The following ANO10 variants were observed in gnomAD, a reference collection of about 807,000 sequenced individuals.
The protein encoded by ANO10 is anoctamin 10, also known as anoctamin-10.
ANO10 carries 77 observed loss-of-function variants against 74.7 expected under a neutral mutation model. That is an observed-to-expected ratio of 1.03 (90% CI 0.86 to 1.25). ANO10 has a LOEUF of 1.25. Ranked by LOEUF, ANO10 falls within the 50% of genes most tolerant of loss-of-function variation. The pLI, the probability that ANO10 is intolerant of heterozygous loss-of-function variation, is 0.00. For missense variants in ANO10, 721 were observed against 778.1 expected (o/e 0.93, Z 0.87); for synonymous variants, 279 against 284.9 (o/e 0.98, Z 0.21).
rs2076731058 is a variant in ANO10, at chr3:43,491,701, G to T, written c.1797+58019C>A. On this transcript the variant is annotated intron_variant, in intron 11 of 12. Transcript: ENST00000292246. ...GTCTCTCCTTCTGCCTTACCCCTTG[G>T]TCAAATCCTTCTGAAGAGGCAAGAA... 3.3e-5 allele frequency among the ~76,000 whole-genome samples: 5 copies of T among 151,776 alleles called. No homozygotes were observed. In the South Asian group the frequency reaches 1.0e-3, roughly 31 times the overall value.
chr3:43,680,503 A>G (rs1190731684), intron 1 of ANO10, among the ~76,000 whole-genome samples: 1 of 152,232 alleles, frequency 6.6e-6, no homozygotes, highest in Non-Finnish European at 1.5e-5. Flanking sequence ...GTTGGAAAAC[A>G]CTCGGCAGGA....
chr3:43,609,963 T>A (rs1392763989), intron 1 of ANO10, among the ~76,000 whole-genome samples: 1 of 152,204 alleles, frequency 6.6e-6, no homozygotes, highest in Non-Finnish European at 1.5e-5. Context: ...GTAGACTTTA[T>A]AAAACACTGT....
intron 4 of ANO10, among the ~76,000 whole-genome samples, chr3:43,588,769 T>C (rs926647920): frequency 6.6e-6 from 1 of 152,130 alleles, no homozygotes; most frequent in African/African-American, 2.4e-5. Flanking sequence ...AGATGAGGAA[T>C]AATATTTCAT....
intron 9 of ANO10, among the ~76,000 whole-genome samples, chr3:43,557,298 T>G (rs1409118907): frequency 6.6e-6 from 1 of 152,126 alleles, no homozygotes; most frequent in Admixed American, 6.5e-5. Context: ...TTCACTCAAA[T>G]CTTATGAGAA....
At chr3:43,483,114 G>A (rs929391050) in intron 11 of ANO10, among the ~76,000 whole-genome samples, 4 of 152,096 alleles carry the variant, frequency 2.6e-5, no homozygotes, top group African/African-American at 9.7e-5. Context: ...CTGTGCTCTG[G>A]GACATGGATG....
At chr3:43,448,831 T>C (rs2074703583) in intron 11 of ANO10, among the ~76,000 whole-genome samples, 1 of 152,010 alleles carries the variant, frequency 6.6e-6, no homozygotes, top group African/African-American at 2.4e-5. Context: ...AGCTATTGGA[T>C]TGTTTGTTTA....
At chr3:43,519,000 C>T (rs1056175851) in intron 11 of ANO10, among the ~76,000 whole-genome samples, 2 of 152,090 alleles carry the variant, frequency 1.3e-5, no homozygotes, top group African/African-American at 4.8e-5. Context: ...TTTTGAAATC[C>T]ATAATAAAAA....
At chr3:43,384,101 C>A (rs2092049121) in intron 12 of ANO10, among the ~76,000 whole-genome samples, 1 of 152,048 alleles carries the variant, frequency 6.6e-6, no homozygotes, top group African/African-American at 2.4e-5. Context: ...GTACACAAAT[C>A]AGTAGCCCTG....
intron 4 of ANO10, among the ~76,000 whole-genome samples, chr3:43,595,396 A>T (rs887544472): frequency 6.6e-6 from 1 of 152,232 alleles, no homozygotes; most frequent in African/African-American, 2.4e-5. Flanking sequence ...CCAGCAGCAC[A>T]TCAAAAAGCT....
At chr3:43,517,736 C>T (rs2077771643) in intron 11 of ANO10, among the ~76,000 whole-genome samples, 1 of 152,158 alleles carries the variant, frequency 6.6e-6, no homozygotes, top group Admixed American at 6.6e-5. Flanking sequence ...ATGCATACTA[C>T]GTGTGACCAA....
intron 9 of ANO10, among the ~76,000 whole-genome samples, chr3:43,559,687 T>C (rs749102590): frequency 6.6e-6 from 1 of 152,006 alleles, no homozygotes; most frequent in Non-Finnish European, 1.5e-5. Flanking sequence ...GCAGTTTCTA[T>C]AAGACAGTGA....
chr3:43,443,682 T>C (rs932551351), intron 11 of ANO10, among the ~76,000 whole-genome samples: 2 of 146,216 alleles, frequency 1.4e-5, no homozygotes, highest in Non-Finnish European at 3.0e-5. Context: ...CTTCCTTCTT[T>C]TTTTTTTTTT....
chr3:43,500,858 A>C (rs1005688859), intron 11 of ANO10, among the ~76,000 whole-genome samples: 1 of 152,174 alleles, frequency 6.6e-6, no homozygotes, highest in Non-Finnish European at 1.5e-5. Flanking sequence ...TGACATCTAC[A>C]TGACTTCCTA....
At chr3:43,495,992 C>G (rs1045126913) in intron 11 of ANO10, among the ~76,000 whole-genome samples, 5 of 152,066 alleles carry the variant, frequency 3.3e-5, no homozygotes, top group African/African-American at 7.2e-5. Context: ...TGAGCCACCA[C>G]GTCTGGCCAG....
At position 43,366,207 on chromosome 3, in the gene ANO10, C is replaced by T. The variant is rs938775989; in HGVS notation, c.*699G>A. 3 of 154,468 alleles carry T rather than the reference C, an allele frequency of 1.9e-5. No homozygotes were observed. Among genetic ancestry groups the T allele is most frequent in the African/African-American group, 7.2e-5 (3 of 41,482 alleles). 9.6% of individuals were successfully genotyped at this position (154,468 alleles called of 1,614,324 possible). ...TCAAAAATGGCCCAGCCTTCAGCTACAAGCTTTGGTGCCTGGCCTCCAGCC... is the reference window on the plus strand; with the variant it reads ...TCAAAAATGGCCCAGCCTTCAGCTATAAGCTTTGGTGCCTGGCCTCCAGCC... On this transcript the variant is annotated 3_prime_UTR_variant, in exon 13 of 13. Coordinates refer to ENST00000292246, the MANE Select transcript of ANO10 (RefSeq NM_018075.5).
rs5848663 is a variant in ANO10 at position 43,432,944 on chromosome 3, C to CTTTTTTTT, written c.1798-225_1798-218dup. 2.3e-3 allele frequency among the ~76,000 whole-genome samples: 128 copies of CTTTTTTTT among 55,282 alleles called. 21 individuals are homozygous for CTTTTTTTT. Among genetic ancestry groups the CTTTTTTTT allele is most frequent in the Admixed American group, 6.2e-3 (20 of 3,216 alleles). The allele number at this position is 55,282 out of a possible 152,430, so 36.3% of individuals were successfully genotyped here. A position where few individuals can be genotyped will look rare whatever the true frequency, so the allele number is the denominator to read the frequency against. On this transcript the variant is annotated intron_variant, in intron 11 of 12. Coordinates refer to ENST00000292246, the MANE Select transcript of ANO10 (RefSeq NM_018075.5). The stretch of plus-strand genomic sequence containing the variant: ...CAGTAATTACTGACTTTGCTTAATT[C>CTTTTTTTT]TTTTTTTTTTTTTTTTTTTTTTTTT...
At chr3:43,527,786 C>T (rs1440518916) in intron 11 of ANO10, among the ~76,000 whole-genome samples, 1 of 152,082 alleles carries the variant, frequency 6.6e-6, no homozygotes, top group African/African-American at 2.4e-5. Flanking sequence ...AAATCACCCC[C>T]AGAAAAAGAA....
chr3:43,463,235 C>T (rs1015334406), intron 11 of ANO10, among the ~76,000 whole-genome samples: 5 of 152,326 alleles, frequency 3.3e-5, no homozygotes, highest in Admixed American at 2.6e-4. Flanking sequence ...AGACACTTAA[C>T]ACCAGCCCCT....
At chr3:43,636,151 G>A (rs1022474140) in intron 1 of ANO10, among the ~76,000 whole-genome samples, 3 of 152,186 alleles carry the variant, frequency 2.0e-5, no homozygotes, top group African/African-American at 7.2e-5. Flanking sequence ...CATAGGTAGG[G>A]GAGTGAAGAA....
Sources: gnomAD v4.1 joint callset for allele counts (sites outside exome capture counted in the v4.1 genomes callset) on GRCh38, gnomAD v4.1.1 for gene constraint, MANE v1.5 for transcripts, NCBI Gene and HGNC (gene_info 2026-07-23, HGNC 2026-07-21) for gene names.